ADAMTSL3: variants seen among roughly 807,000 people sequenced by gnomAD.
ADAMTSL3 encodes ADAMTS-like protein 3.
Under a neutral mutation model 201.7 loss-of-function variants are expected in ADAMTSL3, and 128 were observed. The observed-to-expected ratio is 0.63, with a 90% CI of 0.55 to 0.73. The LOEUF (loss-of-function observed/expected upper bound fraction) is 0.73, where lower values mean the gene tolerates loss of function less well. Among genes scored for constraint, ADAMTSL3 ranks in the 30% least tolerant of loss-of-function variants. ADAMTSL3 has a pLI of 0.00. For synonymous variants in ADAMTSL3, 738 were observed against 748.4 expected, an observed-to-expected ratio of 0.99 and a Z score of 0.23; for missense variants, 1,990 against 2,119.6, an observed-to-expected ratio of 0.94 and a Z score of 1.20.
chr15:83,708,500 G>C (rs1349425416), intron 3 of ADAMTSL3, among the ~76,000 whole-genome samples: 5 of 151,998 alleles, frequency 3.3e-5, no homozygotes, highest in African/African-American at 1.2e-4. Flanking sequence ...CATACGGAGG[G>C]CCGCGGCAGC....
intron 6 of ADAMTSL3, among the ~76,000 whole-genome samples, chr15:83,831,725 G>T (rs550882906): frequency 6.6e-6 from 1 of 152,030 alleles, no homozygotes; most frequent in East Asian, 1.9e-4. Context: ...ATCCTTCCCA[G>T]TTGCAGCCCA....
At position 83,672,388 on chromosome 15, in the gene ADAMTSL3, A is replaced by G. The variant is rs150833483; in HGVS notation, c.69+16558A>G. On this transcript the variant is annotated intron_variant, in intron 2 of 29. Transcript: ENST00000286744. Reference sequence around the variant, plus strand: ...AAAGTGTGTTTGGAAAGGAGAAAGCACTATTGACATCTTTTGCTAAGGTGA... The same window carrying G: ...AAAGTGTGTTTGGAAAGGAGAAAGCGCTATTGACATCTTTTGCTAAGGTGA... Among the ~76,000 whole-genome samples, 888 of 152,280 alleles carry G rather than the reference A, an allele frequency of 5.8e-3. 5 individuals are homozygous for G. The highest frequency in any genetic ancestry group is 0.02 in the African/African-American group (818 of 41,558).
chr15:83,934,997 T>C (rs898687341), intron 17 of ADAMTSL3, among the ~76,000 whole-genome samples: 1 of 152,130 alleles, frequency 6.6e-6, no homozygotes, highest in African/African-American at 2.4e-5. Context: ...CTAAATAATG[T>C]GAACCCATGA....
At chr15:83,668,217 G>C (rs1178985758) in intron 2 of ADAMTSL3, among the ~76,000 whole-genome samples, 1 of 151,832 alleles carries the variant, frequency 6.6e-6, no homozygotes, top group African/African-American at 2.4e-5. Context: ...TGACAAAGGA[G>C]GCCCAACATA....
At position 83,890,201 on chromosome 15, in the gene ADAMTSL3, C is replaced by T. The variant is rs1393795576; in HGVS notation, c.1165C>T (p.Pro389Ser). 1.9e-6 allele frequency: 3 copies of T among 1,613,976 alleles called. No individual in the cohort carries two copies. Among genetic ancestry groups the T allele is most frequent in the South Asian group, 1.1e-5 (1 of 91,068 alleles). The stretch of plus-strand genomic sequence containing the variant: ...TCACTACTACCCTGAAAATGTAAAA[C>T]CAAAACCAAAACTGAAGGAATGCAG... The part of the protein sequence containing the change: ...YCHYYPENVK[P>S]KPKLKECSMD... Residue 389 changes from proline (P) to serine (S), a missense_variant, in exon 11 of 30, where the codon CCA becomes TCA. Transcript: ENST00000286744.
At chr15:83,763,751 C>T (rs978903884) in intron 3 of ADAMTSL3, among the ~76,000 whole-genome samples, 29 of 152,196 alleles carry the variant, frequency 1.9e-4, no homozygotes, top group African/African-American at 5.8e-4. Flanking sequence ...GTGATCCGCC[C>T]GCCTTGGCCT....
chr15:83,773,720 A>C, intron 4 of ADAMTSL3, 70 bp downstream of exon 4: 1 of 1,519,528 alleles, frequency 6.6e-7, no homozygotes, highest in East Asian at 2.3e-5. Flanking sequence ...GAGAGGAGAG[A>C]TAACTTTATA....
intron 7 of ADAMTSL3, among the ~76,000 whole-genome samples, chr15:83,854,143 A>G (rs898570084): frequency 1.3e-5 from 2 of 151,980 alleles, no homozygotes; most frequent in Non-Finnish European, 2.9e-5. Flanking sequence ...CTATGTTAAA[A>G]TTTCTCCTTT....
At position 84,038,651 on chromosome 15, in the gene ADAMTSL3, G is replaced by A. The variant is rs2068551620; in HGVS notation, c.*845G>A. 1 of 152,582 alleles carries A rather than the reference G, an allele frequency of 6.6e-6. No homozygotes were observed. The highest frequency in any genetic ancestry group is 2.1e-4 in the South Asian group (1 of 4,824). The allele number at this position is 152,582 out of a possible 1,614,324, so 9.5% of individuals were successfully genotyped here. A position where few individuals can be genotyped will look rare whatever the true frequency, so the allele number is the denominator to read the frequency against. ...TTAGACCTAATTTATGCATAAAGTA[G>A]TATTCCTGAGAACTTTATTTTGGAA... On this transcript the variant is annotated 3_prime_UTR_variant, in exon 30 of 30. Coordinates refer to ENST00000286744, the MANE Select transcript of ADAMTSL3 (RefSeq NM_207517.3).
At chr15:83,944,056 C>T (rs775067267) in intron 19 of ADAMTSL3, among the ~76,000 whole-genome samples, 2 of 152,042 alleles carry the variant, frequency 1.3e-5, no homozygotes, top group South Asian at 2.1e-4. Flanking sequence ...GCAGATGGAG[C>T]GAGATGGTGA....
At chr15:83,778,881 A>T (rs1203217888) in intron 4 of ADAMTSL3, among the ~76,000 whole-genome samples, 1 of 152,240 alleles carries the variant, frequency 6.6e-6, no homozygotes, top group Non-Finnish European at 1.5e-5. Context: ...CCCATCTCAC[A>T]TGCAGTGACA....
intron 23 of ADAMTSL3, among the ~76,000 whole-genome samples, chr15:83,996,606 C>G (rs1361744346): frequency 1.3e-5 from 2 of 151,554 alleles, no homozygotes; most frequent in African/African-American, 2.4e-5. Flanking sequence ...ATGGTGAAAC[C>G]CTGTCTCTAC....
chr15:83,939,807 C>T (rs902985669), intron 17 of ADAMTSL3, among the ~76,000 whole-genome samples: 4 of 151,810 alleles, frequency 2.6e-5, no homozygotes, highest in South Asian at 2.1e-4. Flanking sequence ...TTTTCAGTGG[C>T]GATGGGGTTT....
At chr15:83,743,682 C>T (rs1255208076) in intron 3 of ADAMTSL3, among the ~76,000 whole-genome samples, 1 of 152,060 alleles carries the variant, frequency 6.6e-6, no homozygotes, top group Non-Finnish European at 1.5e-5. Context: ...CAAGTAGCCA[C>T]AGGGTAGAAG....
At chr15:83,922,084 T>C (rs2066156504) in intron 16 of ADAMTSL3, among the ~76,000 whole-genome samples, 1 of 152,204 alleles carries the variant, frequency 6.6e-6, no homozygotes, top group Non-Finnish European at 1.5e-5. Flanking sequence ...TAAATTTTGT[T>C]ATAAGATGAG....
chr15:83,726,769 T>C (rs1324688386), intron 3 of ADAMTSL3, among the ~76,000 whole-genome samples: 1 of 152,102 alleles, frequency 6.6e-6, no homozygotes, highest in East Asian at 1.9e-4. Context: ...ATAATCTTTC[T>C]AATTTATTGT....
chr15:83,829,831 G>A (rs554825462), intron 6 of ADAMTSL3, among the ~76,000 whole-genome samples: 2 of 152,204 alleles, frequency 1.3e-5, no homozygotes, highest in Non-Finnish European at 2.9e-5. Context: ...ATGTAGTTGA[G>A]TGGTTTTGAG....
intron 2 of ADAMTSL3, among the ~76,000 whole-genome samples, chr15:83,672,429 A>G (rs1373694489): frequency 6.6e-6 from 1 of 152,174 alleles, no homozygotes; most frequent in Non-Finnish European, 1.5e-5. Context: ...GGGCCTGTGA[A>G]GAGGCTCTTC....
chr15:83,664,422 T>C (rs929296674), intron 2 of ADAMTSL3, among the ~76,000 whole-genome samples: 1 of 152,146 alleles, frequency 6.6e-6, no homozygotes, highest in African/African-American at 2.4e-5. Context: ...CAAGCACAAA[T>C]GCTTCTCAAA....
Sources: gnomAD v4.1 joint callset for allele counts (sites outside exome capture counted in the v4.1 genomes callset) on GRCh38, gnomAD v4.1.1 for gene constraint, MANE v1.5 for transcripts, NCBI Gene and HGNC (gene_info 2026-07-23, HGNC 2026-07-21) for gene names.